The following LRRN1 variants were observed in gnomAD, a reference collection of about 807,000 sequenced individuals.
LRRN1 encodes leucine-rich repeat neuronal protein 1.
Under a neutral mutation model 45.8 loss-of-function variants are expected in LRRN1, and 14 were observed. That is an observed-to-expected ratio of 0.31 (90% CI 0.20 to 0.48). LRRN1 has a LOEUF of 0.48. Among genes scored for constraint, LRRN1 ranks in the 20% least tolerant of loss-of-function variants. LRRN1 has a pLI of 0.99. For missense variants in LRRN1, 789 were observed against 874.2 expected (o/e 0.90, Z 1.23); for synonymous variants, 359 against 330.1 (o/e 1.09, Z -0.95).
chr3:3,812,963 G>A (rs913148216), intron 1 of LRRN1, among the ~76,000 whole-genome samples: 3 of 152,028 alleles, frequency 2.0e-5, no homozygotes, highest in African/African-American at 7.3e-5. Flanking sequence ...TTTTCTCCCT[G>A]TACTACACTT....
chr3:3,844,212 AT>A (rs1332136947), intron 1 of LRRN1, among the ~76,000 whole-genome samples, 151 bp from the exon 2 acceptor site: 1 of 152,236 alleles, frequency 6.6e-6, no homozygotes, highest in African/African-American at 2.4e-5. Context: ...ATGTCCTACA[AT>A]TTAAAAGCTT....
At chr3:3,826,170 T>G (rs1693210405) in intron 1 of LRRN1, among the ~76,000 whole-genome samples, 1 of 151,930 alleles carries the variant, frequency 6.6e-6, no homozygotes, top group Non-Finnish European at 1.5e-5. Flanking sequence ...ACAATCAAAC[T>G]CCATCCCTCC....
chr3:3,831,395 G>A (rs548180522), intron 1 of LRRN1, among the ~76,000 whole-genome samples: 1 of 152,372 alleles, frequency 6.6e-6, no homozygotes, highest in Admixed American at 6.5e-5. Context: ...GCACGCAAAT[G>A]TCTCACCAAT....
At chr3:3,800,242 C>T (rs1163462103) in intron 1 of LRRN1, among the ~76,000 whole-genome samples, 1 of 151,352 alleles carries the variant, frequency 6.6e-6, no homozygotes, top group Non-Finnish European at 1.5e-5. Flanking sequence ...TGCTGGATTT[C>T]AGGGGCCGAC....
intron 1 of LRRN1, among the ~76,000 whole-genome samples, chr3:3,843,946 T>C (rs1693699323): frequency 6.6e-6 from 1 of 152,222 alleles, no homozygotes; most frequent in African/African-American, 2.4e-5. Context: ...TTTGGAGCTA[T>C]AAATACATGT....
At chr3:3,838,883 G>A (rs1417762499) in intron 1 of LRRN1, among the ~76,000 whole-genome samples, 1 of 152,042 alleles carries the variant, frequency 6.6e-6, no homozygotes, top group Admixed American at 6.6e-5. Flanking sequence ...TGTTGTAGGA[G>A]TTTATAATAT....
chr3:3,835,060 G>T (rs1693477736), intron 1 of LRRN1, among the ~76,000 whole-genome samples: 1 of 152,080 alleles, frequency 6.6e-6, no homozygotes, highest in African/African-American at 2.4e-5. Flanking sequence ...TAATTTACAT[G>T]TATGAACCAT....
chr3:3,832,153 G>C (rs1236920511), intron 1 of LRRN1, among the ~76,000 whole-genome samples: 3 of 152,186 alleles, frequency 2.0e-5, no homozygotes, highest in Admixed American at 6.5e-5. Flanking sequence ...AGTTGAATGG[G>C]GTTGTGGTAG....
intron 1 of LRRN1, among the ~76,000 whole-genome samples, chr3:3,838,365 G>T (rs776403151): frequency 6.6e-6 from 1 of 152,118 alleles, no homozygotes; most frequent in African/African-American, 2.4e-5. Context: ...AGCAATTGCA[G>T]CAAAAGCAAA....
At position 3,810,374 on chromosome 3, in the gene LRRN1, G is replaced by C. The variant is rs569001652; in HGVS notation, c.-279+10455G>C. 7.2e-5 allele frequency among the ~76,000 whole-genome samples: 11 copies of C among 152,318 alleles called. No individual in the cohort carries two copies. In the South Asian group the frequency reaches 2.3e-3, roughly 32 times the overall value. On this transcript the variant is annotated intron_variant, in intron 1 of 1. Transcript: ENST00000319331. ...TGTAAAACTCTTAGAACAATGCTGA[G>C]CGTGTTGTAAATGGTCCATAGACAA... is the stretch of plus-strand genomic sequence containing the variant.
At chr3:3,802,396 G>A (rs1158444458) in intron 1 of LRRN1, among the ~76,000 whole-genome samples, 1 of 152,068 alleles carries the variant, frequency 6.6e-6, no homozygotes, top group Non-Finnish European at 1.5e-5. Context: ...ACCTATTCAC[G>A]GAACAGCATT....
At position 3,846,787 on chromosome 3, in the gene LRRN1, T is replaced by TGGTAACTCAGAG; in HGVS notation, c.2148_*8dup. The stretch of plus-strand genomic sequence containing the variant: ...CGACACATCCAGAAGCTATTACATG[T>TGGTAACTCAGAG]GGTAACTCAGAGGATATTTTGCTTC... On this transcript the variant is annotated stop_gained and inframe_insertion, in exon 2 of 2. Coordinates refer to ENST00000319331, the MANE Select transcript of LRRN1 (RefSeq NM_020873.7). LOFTEE classifies it high-confidence loss of function. The surrounding 1 kb of genome is among the most constrained non-coding windows in gnomAD (Gnocchi z 5.7). The TGGTAACTCAGAG allele has an allele frequency of 2.5e-6, 4 of 1,593,568 alleles. No homozygotes were observed. The highest frequency in any genetic ancestry group is 3.4e-6 in the Non-Finnish European group (4 of 1,172,770).
chr3:3,843,573 C>CG (rs907508606), intron 1 of LRRN1, among the ~76,000 whole-genome samples: 4 of 151,562 alleles, frequency 2.6e-5, no homozygotes, highest in African/African-American at 9.7e-5. Context: ...CACTGTACCC[C>CG]CCCCCATACC....
At chr3:3,815,007 G>C (rs1315400271) in intron 1 of LRRN1, among the ~76,000 whole-genome samples, 1 of 152,032 alleles carries the variant, frequency 6.6e-6, no homozygotes, top group Non-Finnish European at 1.5e-5. Context: ...TGTACCATCT[G>C]TTTTCTTCTA....
At chr3:3,834,525 G>GAGATATATAT (rs750534210) in intron 1 of LRRN1, among the ~76,000 whole-genome samples, 4 of 27,310 alleles carry the variant, frequency 1.5e-4, no homozygotes, top group African/African-American at 3.4e-4. Flanking sequence ...GACAGAACAG[G>GAGATATATAT]ATATATATAT....
intron 1 of LRRN1, among the ~76,000 whole-genome samples, chr3:3,802,617 A>G (rs185007215): frequency 9.5e-4 from 144 of 152,242 alleles, no homozygotes; most frequent in Non-Finnish European, 1.5e-3. Flanking sequence ...TTTTCACAGG[A>G]TGGGGAAAAA....
intron 1 of LRRN1, among the ~76,000 whole-genome samples, chr3:3,814,944 A>T (rs1467788787): frequency 6.6e-6 from 1 of 152,194 alleles, no homozygotes; most frequent in Non-Finnish European, 1.5e-5. Context: ...ATGGAGTAAG[A>T]ATCTTAAAAA....
chr3:3,811,675 ATAT>A (rs1419614638), intron 1 of LRRN1, among the ~76,000 whole-genome samples: 1 of 152,152 alleles, frequency 6.6e-6, no homozygotes, highest in African/African-American at 2.4e-5. Flanking sequence ...GCTTTTTGTG[ATAT>A]TATTGCCAAG....
At chr3:3,806,614 A>T (rs1289349813) in intron 1 of LRRN1, among the ~76,000 whole-genome samples, 1 of 152,232 alleles carries the variant, frequency 6.6e-6, no homozygotes, top group Non-Finnish European at 1.5e-5. Flanking sequence ...GAAAGTCGAT[A>T]GCAATAGACA....
Sources: allele counts gnomAD v4.1 joint callset (sites outside exome capture counted in the v4.1 genomes callset), GRCh38; gene constraint gnomAD v4.1.1; non-coding constraint Gnocchi (gnomAD v3.1); transcripts MANE v1.5; gene names NCBI Gene and HGNC (gene_info 2026-07-23, HGNC 2026-07-21).